Variants in ABLIM1 observed in about 807,000 individuals in gnomAD.
The protein encoded by ABLIM1 is actin-binding LIM protein 1.
Under a neutral mutation model 107.0 loss-of-function variants are expected in ABLIM1, and 40 were observed. The observed-to-expected ratio is 0.37, with a 90% CI of 0.29 to 0.49. The LOEUF is 0.49. Among genes scored for constraint, ABLIM1 ranks in the 20% least tolerant of loss-of-function variants. The pLI, the probability that ABLIM1 is intolerant of heterozygous loss-of-function variation, is 0.97. For missense variants in ABLIM1, 857 were observed against 1,008.5 expected (o/e 0.85, Z 2.04); for synonymous variants, 357 against 357.3 (o/e 1.00, Z 0.01).
intron 1 of ABLIM1, among the ~76,000 whole-genome samples, chr10:114,634,320 G>A (rs2078366693): frequency 6.7e-6 from 1 of 149,680 alleles, no homozygotes; most frequent in Admixed American, 6.7e-5. Flanking sequence ...TTTTAGTAGA[G>A]ACGGGGTTTC....
At position 114,656,886 on chromosome 10, in the gene ABLIM1, A is replaced by G. The variant is rs1290354721; in HGVS notation, c.244+1071T>C. Among the ~76,000 whole-genome samples the G allele has an allele frequency of 2.0e-5, 3 of 152,236 alleles. No homozygotes were observed. In the East Asian group the frequency reaches 5.8e-4, roughly 29 times the overall value. ...CAGAATAGGGAAATCTAAGAGGCAG[A>G]AAGTAGATTTTGATTTCTTAAGGCT... On this transcript the variant is annotated intron_variant, in intron 1 of 22. Coordinates refer to ENST00000533213, the MANE Select transcript of ABLIM1 (RefSeq NM_002313.7).
In ABLIM1 at chr10:114,549,536, T is replaced by A. The variant is rs2067790288; in HGVS notation, c.674-1760A>T. On this transcript the variant is annotated intron_variant, in intron 4 of 22. Transcript: ENST00000533213. ...TTAACCCGTTCTTTTTCTTTTTTTTTAATGACAGGTGTATTTCTGGCGATC... is the reference window on the plus strand; with the variant it reads ...TTAACCCGTTCTTTTTCTTTTTTTTAAATGACAGGTGTATTTCTGGCGATC... Among the ~76,000 whole-genome samples, 4 of 152,294 alleles carry A rather than the reference T, an allele frequency of 2.6e-5. No individual in the cohort carries two copies. The South Asian group carries it at 8.3e-4, about 32-fold the overall frequency.
intron 6 of ABLIM1, among the ~76,000 whole-genome samples, chr10:114,544,131 T>C (rs1026061744): frequency 3.9e-5 from 6 of 152,180 alleles, no homozygotes; most frequent in Admixed American, 2.6e-4. Context: ...AGGTGGAACA[T>C]GGCTCCGTGG....
At chr10:114,709,678 T>C (rs553460196) in intron 1 of ABLIM1, among the ~76,000 whole-genome samples, 1 of 152,304 alleles carries the variant, frequency 6.6e-6, no homozygotes, top group African/African-American at 2.4e-5. Context: ...ACAAAGTTAT[T>C]GTCATATGAA....
intron 1 of ABLIM1, among the ~76,000 whole-genome samples, chr10:114,743,990 T>C (rs1763727884): frequency 6.6e-6 from 1 of 152,208 alleles, no homozygotes; most frequent in African/African-American, 2.4e-5. Flanking sequence ...CTCATTTCTG[T>C]ATGAACCACC....
rs1478997841 is a variant in ABLIM1, at chr10:114,547,727, C to A, written c.723G>T (p.Ala241=). ...ACCCCAAGTGCCACTGCTTATCCAG[C>A]GCCAGCAGCGCCTGCCCATTCTTGA... The part of the protein sequence containing the change: ...RDIKNGQALL[A]LDKQWHLGCF... The change falls in exon 5 of 23, where the codon GCG becomes GCT. Residue 241 remains alanine (A), a synonymous_variant. Coordinates refer to ENST00000533213, the MANE Select transcript of ABLIM1 (RefSeq NM_002313.7). 4 of 1,613,162 alleles carry A rather than the reference C, an allele frequency of 2.5e-6. No homozygotes were observed. Among genetic ancestry groups the A allele is most frequent in the African/African-American group, 1.3e-5 (1 of 75,066 alleles).
chr10:114,572,061 T>G (rs1465154321), intron 3 of ABLIM1, among the ~76,000 whole-genome samples: 1 of 152,230 alleles, frequency 6.6e-6, no homozygotes, highest in Non-Finnish European at 1.5e-5. Context: ...TAGCAGCACA[T>G]TTTGCAAAAA....
intron 3 of ABLIM1, among the ~76,000 whole-genome samples, chr10:114,574,928 C>CTA (rs1406036742): frequency 6.6e-5 from 10 of 152,182 alleles, no homozygotes; most frequent in African/African-American, 2.4e-4. Context: ...GTGGAAGCAG[C>CTA]TATAGGCCAC....
chr10:114,494,545 CA>C (rs1207540732), intron 6 of ABLIM1, among the ~76,000 whole-genome samples: 1 of 151,884 alleles, frequency 6.6e-6, no homozygotes, highest in Admixed American at 6.6e-5. Flanking sequence ...AAAAGCAAAC[CA>C]AACCAAACAA....
chr10:114,685,548 G>A (rs1327385201), upstream of ABLIM1, among the ~76,000 whole-genome samples: 1 of 152,064 alleles, frequency 6.6e-6, no homozygotes, highest in Admixed American at 6.6e-5. Flanking sequence ...CATCCTCATG[G>A]GTCACCCTAT....
chr10:114,492,140 C>G (rs2059091821), intron 6 of ABLIM1, among the ~76,000 whole-genome samples: 1 of 151,946 alleles, frequency 6.6e-6, no homozygotes, highest in Admixed American at 6.6e-5. Context: ...ATGTCTCCCT[C>G]TTGACCTGGA....
At chr10:114,636,963 G>A (rs2078510144) in intron 1 of ABLIM1, among the ~76,000 whole-genome samples, 1 of 151,120 alleles carries the variant, frequency 6.6e-6, no homozygotes, top group African/African-American at 2.4e-5. Flanking sequence ...AACCCAGGAG[G>A]CAGAGGTTGC....
chr10:114,462,904 G>A (rs1387647262), intron 12 of ABLIM1: 4 of 891,044 alleles, frequency 4.5e-6, no homozygotes, highest in Non-Finnish European at 6.4e-6. Context: ...ACAACTGTTG[G>A]GTATAGTCAT....
chr10:114,793,845 A>T, the ABLIM1 span, among the ~76,000 whole-genome samples: 1 of 152,160 alleles, frequency 6.6e-6, no homozygotes, highest in African/African-American at 2.4e-5. Context: ...TCAGACCTGC[A>T]TTGCAGTCTG....
intron 1 of ABLIM1, among the ~76,000 whole-genome samples, chr10:114,670,901 T>C (rs2141385309): frequency 6.6e-6 from 1 of 152,370 alleles, no homozygotes; most frequent in East Asian, 1.9e-4. Context: ...TTCAAATCTA[T>C]TGTAATATTT....
At chr10:114,693,517 T>C (rs1210916509) in intron 1 of ABLIM1, among the ~76,000 whole-genome samples, 3 of 152,198 alleles carry the variant, frequency 2.0e-5, no homozygotes, top group African/African-American at 7.2e-5. Context: ...GTCCCTGTCA[T>C]CCATCATAGG....
Position 114,431,336 on chromosome 10 carries a change from C to T in ABLIM1, c.*4924G>A, listed in dbSNP as rs1343486633. 1.3e-5 allele frequency: 2 copies of T among 152,224 alleles called. No homozygotes were observed. The highest frequency in any genetic ancestry group is 6.5e-5 in the Admixed American group (1 of 15,284). 9.4% of individuals were successfully genotyped at this position (152,224 alleles called of 1,614,324 possible). A position where few individuals can be genotyped will look rare whatever the true frequency, so the allele number is the denominator to read the frequency against. ...CTGCTCAGTTTCACAGGGAACACGA[C>T]ACAGCTTTTCAAAAGGAATTCTTCT... On this transcript the variant is annotated 3_prime_UTR_variant, in exon 23 of 23. Coordinates refer to ENST00000533213, the MANE Select transcript of ABLIM1 (RefSeq NM_002313.7).
intron 1 of ABLIM1, among the ~76,000 whole-genome samples, chr10:114,751,065 A>C (rs1044567873): frequency 1.3e-5 from 2 of 152,216 alleles, no homozygotes; most frequent in African/African-American, 2.4e-5. Flanking sequence ...TCAAAAAACT[A>C]TAAACAAGTG....
intron 4 of ABLIM1, among the ~76,000 whole-genome samples, chr10:114,552,547 T>C (rs907660952): frequency 6.6e-6 from 1 of 151,172 alleles, no homozygotes; most frequent in Non-Finnish European, 1.5e-5. Flanking sequence ...CCTGAGCCCT[T>C]CACTCTTGGC....
Sources: allele counts gnomAD v4.1 joint callset (sites outside exome capture counted in the v4.1 genomes callset), GRCh38; gene constraint gnomAD v4.1.1; transcripts MANE v1.5; gene names NCBI Gene and HGNC (gene_info 2026-07-23, HGNC 2026-07-21).